RHOT1: variants seen among roughly 807,000 people sequenced by gnomAD.
The protein encoded by RHOT1 is ras homolog family member T1.
Under a neutral mutation model 95.3 loss-of-function variants are expected in RHOT1, and 27 were observed. The observed-to-expected ratio is 0.28, with a 90% CI of 0.21 to 0.39. RHOT1 has a LOEUF of 0.39. Among genes scored for constraint, RHOT1 ranks in the 10% least tolerant of loss-of-function variants. The pLI is 1.00. For missense variants in RHOT1, 578 were observed against 786.7 expected (o/e 0.73, Z 3.17); for synonymous variants, 227 against 263.5 (o/e 0.86, Z 1.34).
At position 32,211,147 on chromosome 17, in the gene RHOT1, A is replaced by G. The variant is rs2038106369; in HGVS notation, c.1771A>G (p.Asn591Asp). The change falls in exon 19 of 20, where the codon AAC becomes GAC. Residue 591 changes from asparagine to aspartate, a missense_variant. Around this residue, in one of 4 missense-constraint regions of RHOT1, gnomAD observed 296 missense variants for 338.5 expected, o/e 0.87. Coordinates refer to ENST00000545287, the MANE Select transcript of RHOT1 (RefSeq NM_001033566.3). The stretch of plus-strand genomic sequence containing the variant: ...CCGGTTACGCTGTATGTGCACCTGC[A>G]ACAGGTGTACATTTTGCATCTGTCA... ...HARLRCMCTC[N>D]RCTFCICQNF... The G allele has an allele frequency of 2.5e-6, 4 of 1,611,142 alleles. No individual in the cohort carries two copies. The East Asian group carries it at 8.9e-5, about 36-fold the overall frequency.
At chr17:32,192,357 G>GTT in intron 9 of RHOT1, 58 bp downstream of exon 9, 1 of 760,270 alleles carries the variant, frequency 1.3e-6, no homozygotes, top group East Asian at 3.1e-5. Flanking sequence ...TTTTTTTGCT[G>GTT]AAAGCTGTAA....
At chr17:32,175,441 C>T (rs367617476) in intron 4 of RHOT1, 79 bp downstream of exon 4, 5 of 1,327,224 alleles carry the variant, frequency 3.8e-6, no homozygotes, top group Non-Finnish European at 5.4e-6. Flanking sequence ...TTTTCATTCT[C>T]TTTGTTTGTT....
At chr17:32,194,815 G>A (rs1305606468) in intron 11 of RHOT1, among the ~76,000 whole-genome samples, 1 of 146,236 alleles carries the variant, frequency 6.8e-6, no homozygotes, top group African/African-American at 2.5e-5. Context: ...TCTATTTGTG[G>A]TTCTTTTTCT....
At chr17:32,164,716 T>G (rs908404642) in intron 1 of RHOT1, among the ~76,000 whole-genome samples, 14 of 132,044 alleles carry the variant, frequency 1.1e-4, no homozygotes, top group Non-Finnish European at 2.0e-4. Flanking sequence ...ATACAAAAAA[T>G]TAGCCAGGTA....
At chr17:32,206,222 T>TTTTTTA (rs2037718133) in intron 16 of RHOT1, among the ~76,000 whole-genome samples, 1 of 124,660 alleles carries the variant, frequency 8.0e-6, no homozygotes, top group African/African-American at 3.3e-5. Flanking sequence ...TTTTTTTTTT[T>TTTTTTA]GAGACAAGGT....
At chr17:32,183,063 A>AT (rs2035766522) in intron 7 of RHOT1, 108 bp from the exon 8 acceptor site, 1 of 934,382 alleles carries the variant, frequency 1.1e-6, no homozygotes, top group Non-Finnish European at 1.6e-6. Flanking sequence ...ACAAAGATGC[A>AT]TTTTTCGTTT....
chr17:32,206,939 A>G lies in RHOT1; in HGVS notation c.1446A>G (p.Leu482=), dbSNP rs1245866017. 6.2e-7 allele frequency: 1 copy of G among 1,602,866 alleles called. No homozygotes were observed. The highest frequency in any genetic ancestry group is 1.7e-5 in the Admixed American group (1 of 59,620). The change falls in exon 17 of 20, where the codon CTA becomes CTG. Residue 482 remains leucine (L), a synonymous_variant. Coordinates refer to ENST00000545287, the MANE Select transcript of RHOT1 (RefSeq NM_001033566.3). ...LLHDISESEF[L]TEAEIICDVV... is the part of the protein sequence containing the mutation. Reference sequence around the variant, plus strand: ...ATGATATCTCAGAATCGGAATTTCTAACTGAAGCTGAAATCATTTGTGATG... The same window carrying G: ...ATGATATCTCAGAATCGGAATTTCTGACTGAAGCTGAAATCATTTGTGATG...
At chr17:32,188,712 C>CA (rs1228281189) in intron 8 of RHOT1, among the ~76,000 whole-genome samples, 1 of 152,068 alleles carries the variant, frequency 6.6e-6, no homozygotes, top group Non-Finnish European at 1.5e-5. Context: ...TGAGTTTTGT[C>CA]AAAAAAACTT....
chr17:32,210,981 C>G (rs2038090425), intron 18 of RHOT1, 135 bp from the exon 19 acceptor site: 1 of 707,452 alleles, frequency 1.4e-6, no homozygotes, highest in Non-Finnish European at 2.2e-6. Flanking sequence ...CTTTAGCATG[C>G]CCCATACTGT....
At chr17:32,209,126 C>T (rs2037956540) in intron 18 of RHOT1, 1 of 278,512 alleles carries the variant, frequency 3.6e-6, no homozygotes, top group African/African-American at 2.2e-5. Context: ...TCAAACATTG[C>T]TATAAACCAA....
intron 6 of RHOT1, among the ~76,000 whole-genome samples, chr17:32,176,659 G>T (rs975716057): frequency 1.3e-5 from 2 of 151,726 alleles, no homozygotes; most frequent in African/African-American, 2.4e-5. Context: ...TGCAGCCTCC[G>T]CCTCCTGGAT....
chr17:32,182,996 A>G (rs1051429272), intron 7 of RHOT1, 131 bp downstream of exon 7: 24 of 756,814 alleles, frequency 3.2e-5, no homozygotes, highest in African/African-American at 3.0e-4. Context: ...ACCAAATAAA[A>G]CAGAGAAGTT....
At chr17:32,176,040 T>C (rs757711243) in intron 5 of RHOT1, 25 bp downstream of exon 5, 2 of 1,601,860 alleles carry the variant, frequency 1.2e-6, no homozygotes, top group South Asian at 2.2e-5. Flanking sequence ...TTTTTCCCTA[T>C]AGTTGGTTTC....
At position 32,175,499 on chromosome 17, in the gene RHOT1, T is replaced by C. The variant is rs189124887; in HGVS notation, c.222+137T>C. 4.8e-5 allele frequency: 41 copies of C among 857,630 alleles called. No individual in the cohort carries two copies. In the East Asian group the frequency reaches 8.0e-4, roughly 17 times the overall value. The allele number at this position is 857,630 out of a possible 1,614,324, so 53.1% of individuals were successfully genotyped here. ...CCGTGTTTCACTCTGTCACCCACTC[T>C]GTCACCCAGTGCAGTGGCGCAATTT... is the stretch of plus-strand genomic sequence containing the variant. On this transcript the variant is annotated intron_variant, in intron 4 of 19. Transcript: ENST00000545287.
Position 32,211,170 on chromosome 17 carries a change from T to A in RHOT1, c.1794T>A (p.Cys598Ter). The A allele has an allele frequency of 2.5e-6, 4 of 1,612,648 alleles. No homozygotes were observed. The highest frequency in any genetic ancestry group is 3.4e-6 in the Non-Finnish European group (4 of 1,178,938). The change falls in exon 19 of 20, where the codon TGT (cysteine) becomes TGA (stop). Residue 598 changes from cysteine to a stop codon, truncating the protein, a stop_gained. Transcript: ENST00000545287. LOFTEE classifies it high-confidence loss of function. ...GCAACAGGTGTACATTTTGCATCTGTCAGAACTTCCTCAACTCAGACTTGC... is the reference window on the plus strand; with the variant it reads ...GCAACAGGTGTACATTTTGCATCTGACAGAACTTCCTCAACTCAGACTTGC... ...CTCNRCTFCICQNFLNSDLLQ... is the reference protein window; with the variant it reads ...CTCNRCTFCI
At chr17:32,213,167 A>T (rs1421388620) in intron 19 of RHOT1, among the ~76,000 whole-genome samples, 1 of 152,138 alleles carries the variant, frequency 6.6e-6, no homozygotes, top group Non-Finnish European at 1.5e-5. Flanking sequence ...TGTATTTGAC[A>T]TTTTTTAGTT....
intron 6 of RHOT1, among the ~76,000 whole-genome samples, chr17:32,180,974 T>C (rs1477048913): frequency 6.6e-6 from 1 of 152,242 alleles, no homozygotes; most frequent in Admixed American, 6.5e-5. Flanking sequence ...CGTGAGCCAC[T>C]GATGCACACC....
At chr17:32,142,835 C>A in intron 1 of RHOT1, 106 bp downstream of exon 1, 1 of 950,804 alleles carries the variant, frequency 1.1e-6, no homozygotes, top group Non-Finnish European at 1.6e-6. Flanking sequence ...AGCCCCGGCC[C>A]TTCTCGCGCC....
At position 32,183,292 on chromosome 17, in the gene RHOT1, G is replaced by C; in HGVS notation, c.540+20G>C. ...AAGGAGGTAACAGGCTGTGTTTATA[G>C]GGGCTGGAATGTGTATGTAGTAACT... On this transcript the variant is annotated intron_variant, in intron 8 of 19. Transcript: ENST00000545287. 7.4e-7 allele frequency: 1 copy of C among 1,357,716 alleles called. No individual in the cohort carries two copies. Among genetic ancestry groups the C allele is most frequent in the Non-Finnish European group, 9.7e-7 (1 of 1,026,456 alleles). The allele number at this position is 1,357,716 out of a possible 1,614,324, so 84.1% of individuals were successfully genotyped here.
Sources: gnomAD v4.1 joint callset for allele counts (sites outside exome capture counted in the v4.1 genomes callset) on GRCh38, gnomAD v4.1.1 for gene constraint, gnomAD v4.1.1 regional missense constraint, MANE v1.5 for transcripts, NCBI Gene and HGNC (gene_info 2026-07-23, HGNC 2026-07-21) for gene names.